The following CADM1 variants were observed in gnomAD, a reference collection of about 807,000 sequenced individuals.
The protein encoded by CADM1 is TSLC-1.
In CADM1, 15 loss-of-function variants were observed where a neutral mutation model predicts 53.1. The ratio of observed to expected loss-of-function variants is 0.28; its 90% CI spans 0.19 to 0.44. The LOEUF (loss-of-function observed/expected upper bound fraction) is 0.44. Ranked by LOEUF, CADM1 falls within the 20% of genes least tolerant of loss-of-function variation. The pLI, the probability that CADM1 is intolerant of heterozygous loss-of-function variation, is 1.00. For synonymous variants in CADM1, 281 were observed against 243.0 expected (o/e 1.16, Z -1.45); for missense variants, 434 against 611.3 (o/e 0.71, Z 3.06).
At chr11:115,482,417 A>G (rs1314044213) in intron 1 of CADM1, among the ~76,000 whole-genome samples, 2 of 152,198 alleles carry the variant, frequency 1.3e-5, no homozygotes, top group East Asian at 1.9e-4. Flanking sequence ...AGTGTCTAGC[A>G]CATAGTAAGT....
chr11:115,321,613 C>T (rs1591706715), intron 1 of CADM1, among the ~76,000 whole-genome samples: 1 of 152,190 alleles, frequency 6.6e-6, no homozygotes. Context: ...TAAATGGCTA[C>T]AGCCGTTATG....
At chr11:115,439,464 C>T (rs933455363) in intron 1 of CADM1, among the ~76,000 whole-genome samples, 2 of 152,154 alleles carry the variant, frequency 1.3e-5, no homozygotes, top group Admixed American at 6.5e-5. Flanking sequence ...CTTGTTGGCC[C>T]ATGAATCACC....
At chr11:115,380,437 A>C in intron 1 of CADM1, among the ~76,000 whole-genome samples, 1 of 152,234 alleles carries the variant, frequency 6.6e-6, no homozygotes, top group East Asian at 1.9e-4. Flanking sequence ...TGGGTACGCT[A>C]TCCAGCTGAA....
intron 10 of CADM1, among the ~76,000 whole-genome samples, chr11:115,185,978 T>G (rs1939526438): frequency 6.6e-6 from 1 of 152,198 alleles, no homozygotes; most frequent in Non-Finnish European, 1.5e-5. Flanking sequence ...CACCGTGGCC[T>G]GCCAACTTTT....
At chr11:115,361,101 G>A (rs958151912) in intron 1 of CADM1, among the ~76,000 whole-genome samples, 1 of 152,166 alleles carries the variant, frequency 6.6e-6, no homozygotes, top group Non-Finnish European at 1.5e-5. Flanking sequence ...TGCAAGAGCA[G>A]GGTGGGGAAA....
intron 1 of CADM1, among the ~76,000 whole-genome samples, chr11:115,278,655 T>C (rs914590804): frequency 6.6e-6 from 1 of 152,170 alleles, no homozygotes; most frequent in African/African-American, 2.4e-5. Context: ...AGAACAATTC[T>C]ACAGAAGTTT....
intron 1 of CADM1, among the ~76,000 whole-genome samples, chr11:115,393,945 A>C (rs1376050496): frequency 6.6e-6 from 1 of 152,202 alleles, no homozygotes; most frequent in African/African-American, 2.4e-5. Context: ...ATTGAAGAAA[A>C]AAAAAGAAAA....
At chr11:115,427,972 C>A (rs1250418357) in intron 1 of CADM1, among the ~76,000 whole-genome samples, 2 of 139,954 alleles carry the variant, frequency 1.4e-5, no homozygotes, top group Non-Finnish European at 3.0e-5. Flanking sequence ...TGCCACTGCA[C>A]TCCAGCCTGG....
chr11:115,364,726 C>T (rs1946115119), intron 1 of CADM1, among the ~76,000 whole-genome samples: 1 of 152,142 alleles, frequency 6.6e-6, no homozygotes, highest in South Asian at 2.1e-4. Flanking sequence ...AATTTTATTT[C>T]ACATTTGGCA....
intron 8 of CADM1, among the ~76,000 whole-genome samples, chr11:115,200,094 A>G (rs6589484): frequency 0.098 from 14,884 of 152,240 alleles, 1,036 homozygotes; most frequent in East Asian, 0.31. Flanking sequence ...ATTAACCAGA[A>G]GTCTGAAAGG....
At chr11:115,326,952 T>A (rs1424226098) in intron 1 of CADM1, among the ~76,000 whole-genome samples, 1 of 152,154 alleles carries the variant, frequency 6.6e-6, no homozygotes, top group Non-Finnish European at 1.5e-5. Context: ...GGGCTATACT[T>A]TCTAAAGTAC....
Position 115,174,683 on chromosome 11 carries a change from C to T in CADM1, c.*1791G>A. ...AGCATAAGTTTTCCACATAATGTAA[C>T]AATAGTAAAAATGCACCTTGCAAAA... On this transcript the variant is annotated 3_prime_UTR_variant, in exon 12 of 12. Coordinates refer to ENST00000331581, the MANE Select transcript of CADM1 (RefSeq NM_001301043.2). The T allele has an allele frequency of 1.0e-6, 1 of 980,100 alleles. No individual in the cohort carries two copies. Among genetic ancestry groups the T allele is most frequent in the Non-Finnish European group, 1.2e-6 (1 of 824,884 alleles). The allele number at this position is 980,100 out of a possible 1,614,324, so 60.7% of individuals were successfully genotyped here. A position where few individuals can be genotyped will look rare whatever the true frequency, so the allele number is the denominator to read the frequency against.
chr11:115,291,000 C>A (rs1258490290), intron 1 of CADM1, among the ~76,000 whole-genome samples: 1 of 152,162 alleles, frequency 6.6e-6, no homozygotes, highest in African/African-American at 2.4e-5. Context: ...CTATACTGCT[C>A]CCCACTCCTT....
rs2135344003 is a variant in CADM1, at chr11:115,448,970, T to G, written c.124+55301A>C. On this transcript the variant is annotated intron_variant, in intron 1 of 11. Coordinates refer to ENST00000331581, the MANE Select transcript of CADM1 (RefSeq NM_001301043.2). ...CTATCACCTTAGACACAATCCCATG[T>G]CATCTGTATTTTTACTTCTGTCTGA... Among the ~76,000 whole-genome samples the G allele has an allele frequency of 1.3e-5, 2 of 152,338 alleles. 1 individual carries two copies. The highest frequency in any genetic ancestry group is 4.1e-4 in the South Asian group (2 of 4,830).
At chr11:115,391,465 A>G (rs1218399460) in intron 1 of CADM1, among the ~76,000 whole-genome samples, 1 of 152,264 alleles carries the variant, frequency 6.6e-6, no homozygotes, top group Non-Finnish European at 1.5e-5. Flanking sequence ...GCCAGAGAAT[A>G]AATAACATCC....
intron 1 of CADM1, among the ~76,000 whole-genome samples, chr11:115,368,335 T>C (rs943098820): frequency 9.9e-5 from 15 of 152,070 alleles, no homozygotes; most frequent in African/African-American, 3.4e-4. Flanking sequence ...AAGGGTTGTT[T>C]ACAATAATGC....
intron 1 of CADM1, among the ~76,000 whole-genome samples, chr11:115,267,958 G>A (rs1185435155): frequency 6.6e-6 from 1 of 152,102 alleles, no homozygotes; most frequent in Non-Finnish European, 1.5e-5. Flanking sequence ...GTTAGCAAAA[G>A]GATTATTTAC....
chr11:115,394,147 C>T (rs990049572), intron 1 of CADM1, among the ~76,000 whole-genome samples: 11 of 152,122 alleles, frequency 7.2e-5, no homozygotes, highest in Admixed American at 6.5e-4. Flanking sequence ...CATTGGAAAT[C>T]TACAAGGCAG....
chr11:115,312,264 A>G (rs1591698359), intron 1 of CADM1, among the ~76,000 whole-genome samples: 1 of 152,148 alleles, frequency 6.6e-6, no homozygotes, highest in African/African-American at 2.4e-5. Context: ...CTATTTTTGG[A>G]TAACTCAATT....
Sources: allele counts gnomAD v4.1 joint callset (sites outside exome capture counted in the v4.1 genomes callset), GRCh38; gene constraint gnomAD v4.1.1; transcripts MANE v1.5; gene names NCBI Gene and HGNC (gene_info 2026-07-23, HGNC 2026-07-21).